The following ZFHX3 variants were observed in gnomAD, a reference collection of about 807,000 sequenced individuals.
ZFHX3 encodes the protein zinc finger homeobox 3.
In ZFHX3, 42 loss-of-function variants were observed where a neutral mutation model predicts 279.1. The observed-to-expected ratio is 0.15, with a 90% CI of 0.12 to 0.19. The LOEUF (loss-of-function observed/expected upper bound fraction) is 0.19, where lower values mean the gene tolerates loss of function less well. ZFHX3 is among the 10% of genes least tolerant of loss of function. The pLI, the probability that ZFHX3 is intolerant of heterozygous loss-of-function variation, is 1.00. For missense variants in ZFHX3, 4,981 were observed against 4,754.0 expected (o/e 1.05, Z -1.40); for synonymous variants, 2,293 against 1,957.8 (o/e 1.17, Z -4.52).
At chr16:72,877,916 T>C (rs1400792637) in intron 4 of ZFHX3, among the ~76,000 whole-genome samples, 1 of 152,184 alleles carries the variant, frequency 6.6e-6, no homozygotes, top group Non-Finnish European at 1.5e-5. Context: ...TGAATTATAG[T>C]GGGCTTGTAA....
intron 4 of ZFHX3, among the ~76,000 whole-genome samples, chr16:72,881,567 T>C (rs917469912): frequency 6.6e-6 from 1 of 152,202 alleles, no homozygotes; most frequent in Admixed American, 6.5e-5. Flanking sequence ...AGGATGTAAG[T>C]AGCCCTAGAA....
At chr16:73,155,142 C>T (rs1225696236) in intron 5 of ZFHX3, among the ~76,000 whole-genome samples, 2 of 138,562 alleles carry the variant, frequency 1.4e-5, no homozygotes, top group Non-Finnish European at 3.0e-5. Context: ...CATTGCACTT[C>T]AGCCTGGGTG....
chr16:73,374,330 C>G (rs1414268513), intron 3 of ZFHX3, among the ~76,000 whole-genome samples: 1 of 152,020 alleles, frequency 6.6e-6, no homozygotes, highest in African/African-American at 2.4e-5. Flanking sequence ...TTAGCTTCAA[C>G]AATGATCAAG....
In ZFHX3 at chr16:72,794,809, T is replaced by C; in HGVS notation, c.7873A>G (p.Ser2625Gly). 2 of 1,614,188 alleles carry C rather than the reference T, an allele frequency of 1.2e-6. No homozygotes were observed. The highest frequency in any genetic ancestry group is 8.5e-7 in the Non-Finnish European group (1 of 1,180,040). The change falls in exon 9 of 10, where the codon AGC becomes GGC. Residue 2625 changes from serine (S) to glycine (G), a missense_variant. Ser to Gly is a moderately conservative substitution (Grantham distance 56). Coordinates refer to ENST00000268489, the MANE Select transcript of ZFHX3 (RefSeq NM_006885.4). This position sits in a 1 kb window ranked among gnomAD's most constrained non-coding sequence, Gnocchi z 4.2. ...GTCCCACTGTCGTTTTCGCCAGGGC[T>C]TGCACTGGCCTTTTCCTCCAGCTTC... ...KRKLEEKASA[S>G]PGENDSGTGG...
At chr16:73,448,998 T>C (rs907002223) in intron 3 of ZFHX3, among the ~76,000 whole-genome samples, 1 of 152,194 alleles carries the variant, frequency 6.6e-6, no homozygotes, top group East Asian at 1.9e-4. Context: ...GTATGTTTCA[T>C]AGAATATAAT....
intron 3 of ZFHX3, among the ~76,000 whole-genome samples, chr16:72,944,339 A>T (rs1476453674): frequency 1.3e-5 from 2 of 152,196 alleles, no homozygotes; most frequent in African/African-American, 4.8e-5. Context: ...AAAGATTTTT[A>T]AAAATGAACA....
chr16:73,191,557 T>C (rs536405244), intron 5 of ZFHX3, among the ~76,000 whole-genome samples: 1 of 152,302 alleles, frequency 6.6e-6, no homozygotes, highest in East Asian at 1.9e-4. Flanking sequence ...GAGGAAATGC[T>C]GCAGAAAAAC....
intron 4 of ZFHX3, among the ~76,000 whole-genome samples, chr16:72,841,045 C>T (rs1163681625): frequency 3.3e-5 from 5 of 152,278 alleles, no homozygotes; most frequent in African/African-American, 4.8e-5. Flanking sequence ...ATGCTAGAAA[C>T]GTGTGAACAC....
chr16:73,553,768 A>G (rs1229994920), intron 2 of ZFHX3, among the ~76,000 whole-genome samples: 1 of 151,990 alleles, frequency 6.6e-6, no homozygotes, highest in Non-Finnish European at 1.5e-5. Context: ...GTCTGCCTCC[A>G]AGTGTAGGGT....
At chr16:72,880,278 A>G (rs980216231) in intron 4 of ZFHX3, among the ~76,000 whole-genome samples, 1 of 152,206 alleles carries the variant, frequency 6.6e-6, no homozygotes, top group Admixed American at 6.5e-5. Flanking sequence ...TGGGTAATAG[A>G]CTGAACTGTG....
chr16:72,784,576 A>C lies in ZFHX3; in HGVS notation c.*2588T>G, dbSNP rs1396243742. On this transcript the variant is annotated 3_prime_UTR_variant, in exon 10 of 10. Transcript: ENST00000268489. ...ATATATATATTTCATAGAGTTACAA[A>C]CAAGATAAAATAATGGAAAACAAAA... The C allele has an allele frequency of 6.6e-6, 1 of 152,124 alleles. No individual in the cohort carries two copies. Among genetic ancestry groups the C allele is most frequent in the Non-Finnish European group, 1.5e-5 (1 of 67,972 alleles). 9.4% of individuals were successfully genotyped at this position (152,124 alleles called of 1,614,324 possible).
At chr16:73,337,908 C>T (rs28671439) in intron 3 of ZFHX3, among the ~76,000 whole-genome samples, 4 of 109,724 alleles carry the variant, frequency 3.6e-5, no homozygotes, top group Non-Finnish European at 6.2e-5. Context: ...GGGGGGTCCT[C>T]ATCCCCTTTT....
chr16:72,950,254 C>A (rs1349947504), intron 3 of ZFHX3, among the ~76,000 whole-genome samples: 1 of 152,066 alleles, frequency 6.6e-6, no homozygotes, highest in African/African-American at 2.4e-5. Context: ...GAAAGAGAAC[C>A]TTCAGCTAGT....
At chr16:72,835,100 A>G (rs1345738665) in intron 4 of ZFHX3, among the ~76,000 whole-genome samples, 1 of 152,176 alleles carries the variant, frequency 6.6e-6, no homozygotes. Context: ...ATAATACACC[A>G]ATCTGTGATC....
chr16:73,644,397 T>A (rs560913044), intron 2 of ZFHX3, among the ~76,000 whole-genome samples: 1 of 152,160 alleles, frequency 6.6e-6, no homozygotes, highest in East Asian at 1.9e-4. Context: ...CGGTGGCTCA[T>A]GCCTGTAATC....
chr16:73,544,583 G>C (rs963801030), intron 2 of ZFHX3, among the ~76,000 whole-genome samples: 1 of 152,174 alleles, frequency 6.6e-6, no homozygotes, highest in South Asian at 2.1e-4. Flanking sequence ...GAGGGAAAGA[G>C]AGCTTGGGGA....
chr16:73,068,851 G>A (rs1175301863), intron 8 of ZFHX3, among the ~76,000 whole-genome samples: 1 of 152,224 alleles, frequency 6.6e-6, no homozygotes, highest in East Asian at 1.9e-4. Flanking sequence ...AAGGCTGTGG[G>A]TGGGGCAGCT....
intron 3 of ZFHX3, among the ~76,000 whole-genome samples, chr16:72,932,868 T>C (rs1253238665): frequency 6.6e-6 from 1 of 152,182 alleles, no homozygotes; most frequent in East Asian, 1.9e-4. Context: ...TATTATCTCA[T>C]TTAAGTCATT....
At chr16:73,733,148 G>C (rs2053582961) in intron 1 of ZFHX3, among the ~76,000 whole-genome samples, 1 of 152,156 alleles carries the variant, frequency 6.6e-6, no homozygotes, top group African/African-American at 2.4e-5. Context: ...AAGTTAATAA[G>C]AGCATGGAAC....
Sources: allele counts gnomAD v4.1 joint callset (sites outside exome capture counted in the v4.1 genomes callset), GRCh38; gene constraint gnomAD v4.1.1; non-coding constraint Gnocchi (gnomAD v3.1); transcripts MANE v1.5; gene names NCBI Gene and HGNC (gene_info 2026-07-23, HGNC 2026-07-21).